The following GABRG3 variants were observed in gnomAD, a reference collection of about 807,000 sequenced individuals.
GABRG3 encodes the protein gamma-aminobutyric acid receptor subunit gamma-3.
In GABRG3, 25 loss-of-function variants were observed where a neutral mutation model predicts 48.8. The ratio of observed to expected loss-of-function variants is 0.51; its 90% CI spans 0.37 to 0.72. The LOEUF (loss-of-function observed/expected upper bound fraction) is 0.72, where lower values mean the gene tolerates loss of function less well. Among genes scored for constraint, GABRG3 ranks in the 30% least tolerant of loss-of-function variants. The pLI is 0.00. For synonymous variants in GABRG3, 227 were observed against 217.6 expected, an observed-to-expected ratio of 1.04 and a Z score of -0.38; for missense variants, 394 against 577.9, an observed-to-expected ratio of 0.68 and a Z score of 3.26.
chr15:27,213,104 T>C (rs1187766158), intron 3 of GABRG3, among the ~76,000 whole-genome samples: 3 of 152,176 alleles, frequency 2.0e-5, no homozygotes, highest in Admixed American at 2.0e-4. Flanking sequence ...GCCAAATGTC[T>C]GAAGGTACAT....
At chr15:27,198,582 G>A (rs1888581613) in intron 3 of GABRG3, among the ~76,000 whole-genome samples, 1 of 152,218 alleles carries the variant, frequency 6.6e-6, no homozygotes. Context: ...GTGGAAGACA[G>A]TGTGGTGATT....
intron 3 of GABRG3, among the ~76,000 whole-genome samples, chr15:27,101,771 GC>G (rs1897362205): frequency 6.9e-6 from 1 of 145,360 alleles, no homozygotes; most frequent in African/African-American, 2.6e-5. Context: ...GCTTCCCTGG[GC>G]CACACTGGAA....
At chr15:27,054,780 G>A (rs1182761206) in intron 3 of GABRG3, among the ~76,000 whole-genome samples, 3 of 152,108 alleles carry the variant, frequency 2.0e-5, no homozygotes, top group African/African-American at 7.2e-5. Context: ...GCTCTGTATC[G>A]AGCGGGGAGG....
At chr15:27,486,395 T>G (rs766589452) in intron 6 of GABRG3, among the ~76,000 whole-genome samples, 10 of 152,232 alleles carry the variant, frequency 6.6e-5, no homozygotes, top group Non-Finnish European at 1.2e-4. Context: ...GATGTGGACA[T>G]CTGATGTTTT....
chr15:27,104,659 A>G (rs1173178454), intron 3 of GABRG3, among the ~76,000 whole-genome samples: 1 of 152,182 alleles, frequency 6.6e-6, no homozygotes, highest in Non-Finnish European at 1.5e-5. Flanking sequence ...GATACTTTAA[A>G]TGAGCTGATC....
At chr15:27,440,330 T>C (rs1318673150) in intron 5 of GABRG3, among the ~76,000 whole-genome samples, 1 of 152,236 alleles carries the variant, frequency 6.6e-6, no homozygotes, top group Non-Finnish European at 1.5e-5. Context: ...AACATTTTTG[T>C]GACCCCTGCG....
intron 3 of GABRG3, among the ~76,000 whole-genome samples, chr15:27,304,865 T>C (rs1463027048): frequency 6.6e-6 from 1 of 152,056 alleles, no homozygotes; most frequent in Non-Finnish European, 1.5e-5. Flanking sequence ...GAAAGAGTTC[T>C]TTACATATTC....
At chr15:27,480,830 A>G (rs1289315399) in intron 6 of GABRG3, 43 bp downstream of exon 6, 2 of 1,607,268 alleles carry the variant, frequency 1.2e-6, no homozygotes, top group Non-Finnish European at 1.7e-6. Flanking sequence ...AAAGCCAGAG[A>G]GGCCTAAGGC....
intron 3 of GABRG3, among the ~76,000 whole-genome samples, chr15:27,178,559 GA>G (rs1162573838): frequency 4.6e-5 from 7 of 152,174 alleles, no homozygotes; most frequent in Non-Finnish European, 1.0e-4. Flanking sequence ...GTTAATAGGA[GA>G]AAAGACATAC....
intron 3 of GABRG3, among the ~76,000 whole-genome samples, chr15:27,323,308 A>G (rs1294743866): frequency 6.6e-6 from 1 of 152,212 alleles, no homozygotes; most frequent in African/African-American, 2.4e-5. Flanking sequence ...AGCTTTGAAC[A>G]ATTTCAGATT....
intron 3 of GABRG3, among the ~76,000 whole-genome samples, chr15:27,121,630 T>G (rs1184682732): frequency 2.0e-5 from 3 of 152,342 alleles, no homozygotes; most frequent in Non-Finnish European, 1.5e-5. Context: ...TGTTCCAAGC[T>G]CTTTACATAC....
At chr15:27,335,074 C>A (rs1893919817) in intron 5 of GABRG3, among the ~76,000 whole-genome samples, 1 of 150,180 alleles carries the variant, frequency 6.7e-6, no homozygotes, top group African/African-American at 2.5e-5. Flanking sequence ...ATATCATATG[C>A]AATACTGTGA....
At chr15:27,151,392 A>G (rs1898312026) in intron 3 of GABRG3, among the ~76,000 whole-genome samples, 1 of 150,690 alleles carries the variant, frequency 6.6e-6, no homozygotes, top group Admixed American at 6.6e-5. Context: ...TTCTCTGGAG[A>G]TTGATCCAGG....
intron 3 of GABRG3, among the ~76,000 whole-genome samples, chr15:27,091,401 A>G (rs1566932820): frequency 1.3e-5 from 2 of 152,158 alleles, no homozygotes; most frequent in African/African-American, 2.4e-5. Context: ...AGATTTTTGC[A>G]TATATATTCA....
intron 5 of GABRG3, among the ~76,000 whole-genome samples, chr15:27,453,997 C>T (rs913605980): frequency 1.3e-5 from 2 of 152,166 alleles, no homozygotes; most frequent in Non-Finnish European, 2.9e-5. Flanking sequence ...CTCCGTGGTC[C>T]TGTCTTAAGG....
At chr15:27,444,757 TTCAC>T (rs1339204171) in intron 5 of GABRG3, among the ~76,000 whole-genome samples, 1 of 152,238 alleles carries the variant, frequency 6.6e-6, no homozygotes, top group Admixed American at 6.5e-5. Context: ...TCAGTTTACT[TTCAC>T]TCTCTATTGG....
Position 27,328,921 on chromosome 15 carries a change from C to CTG in GABRG3, c.574+38_574+39dup, listed in dbSNP as rs763423270. On this transcript the variant is annotated intron_variant, in intron 5 of 9. Transcript: ENST00000615808. ...CCAGTCCAAGCCCGGGGTGTGCATGCTGTGTGAGGGATGCCTAGCCTGGTA... is the reference window on the plus strand; with the variant it reads ...CCAGTCCAAGCCCGGGGTGTGCATGCTGTGTGTGAGGGATGCCTAGCCTGGTA... 8 of 1,553,952 alleles carry CTG rather than the reference C, an allele frequency of 5.1e-6. No individual in the cohort carries two copies. The African/African-American group carries it at 6.8e-5, about 13-fold the overall frequency.
At chr15:27,378,729 G>A (rs1895675368) in intron 5 of GABRG3, among the ~76,000 whole-genome samples, 1 of 152,036 alleles carries the variant, frequency 6.6e-6, no homozygotes, top group Non-Finnish European at 1.5e-5. Flanking sequence ...TTTAGGCCAG[G>A]GCAACAATTT....
chr15:27,127,226 A>G lies in GABRG3; in HGVS notation c.270+100405A>G, dbSNP rs550503290. Among the ~76,000 whole-genome samples the G allele has an allele frequency of 2.4e-4, 36 of 152,258 alleles. No individual in the cohort carries two copies. In the South Asian group the frequency reaches 7.1e-3, roughly 30 times the overall value. On this transcript the variant is annotated intron_variant, in intron 3 of 9. Transcript: ENST00000615808. ...ACCCAAGGGCTCACTGATGGGATGA[A>G]TAGATAAAATATGATAGATATATAG... is the stretch of plus-strand genomic sequence containing the variant.
Sources: gnomAD v4.1 joint callset for allele counts (sites outside exome capture counted in the v4.1 genomes callset) on GRCh38, gnomAD v4.1.1 for gene constraint, MANE v1.5 for transcripts, NCBI Gene and HGNC (gene_info 2026-07-23, HGNC 2026-07-21) for gene names.